Variants in MEIOSIN observed in about 807,000 individuals in gnomAD.
MEIOSIN encodes meiosis initiator.
Under a neutral mutation model 23.4 loss-of-function variants are expected in MEIOSIN, and 18 were observed. That is an observed-to-expected ratio of 0.77 (90% CI 0.53 to 1.14). The LOEUF (loss-of-function observed/expected upper bound fraction) is 1.14. Among genes scored for constraint, MEIOSIN ranks in the 50% most tolerant of loss-of-function variants. MEIOSIN has a pLI of 0.00. For synonymous variants in MEIOSIN, 187 were observed against 100.6 expected (o/e 1.86, Z -5.14); for missense variants, 428 against 242.9 (o/e 1.76, Z -5.07).
chr19:45,754,444 A>G (rs1481482644), intron 6 of MEIOSIN, 35 bp from the exon 7 acceptor site: 1 of 690,070 alleles, frequency 1.4e-6, no homozygotes, highest in South Asian at 1.5e-5. Context: ...GGTGACTCCC[A>G]GGCCCCTCTG....
At chr19:45,759,633 T>A in intron 11 of MEIOSIN, 143 bp downstream of exon 11, 1 of 621,184 alleles carries the variant, frequency 1.6e-6, no homozygotes, top group Non-Finnish European at 3.0e-6. Context: ...CGTCTCCTCA[T>A]CCTTAAAACC....
chr19:45,734,957 A>G (rs1453274757), intron 1 of MEIOSIN, among the ~76,000 whole-genome samples: 2 of 151,632 alleles, frequency 1.3e-5, no homozygotes, highest in African/African-American at 2.4e-5. Flanking sequence ...GCAGTGGCTT[A>G]ATCCTGGCTC....
rs1968897630 is a variant in MEIOSIN, at chr19:45,759,421, C to T, written c.1176C>T (p.Phe392=). The change falls in exon 11 of 15, where the codon TTC becomes TTT. Residue 392 remains phenylalanine, a synonymous_variant. Transcript: ENST00000457052. ...DDMEYLTQAA[F]FEEVCLDLES... Reference sequence around the variant, plus strand: ...TCTGGTCTCCCTCCCTAGCGGCTTTCTTTGAAGAAGTGTGCTTAGATCTGG... The same window carrying T: ...TCTGGTCTCCCTCCCTAGCGGCTTTTTTTGAAGAAGTGTGCTTAGATCTGG... 1 of 703,372 alleles carries T rather than the reference C, an allele frequency of 1.4e-6. No homozygotes were observed. The highest frequency in any genetic ancestry group is 2.6e-6 in the Non-Finnish European group (1 of 385,096). 43.6% of individuals were successfully genotyped at this position (703,372 alleles called of 1,614,324 possible).
At chr19:45,763,264 G>T (rs1216914150) in intron 13 of MEIOSIN, 74 bp from the exon 14 acceptor site, 1 of 398,118 alleles carries the variant, frequency 2.5e-6, no homozygotes, top group African/African-American at 2.1e-5. Flanking sequence ...GACCCACAAG[G>T]CTAGGAAGGG....
chr19:45,754,450 C>T, intron 6 of MEIOSIN, 29 bp from the exon 7 acceptor site: 1 of 693,660 alleles, frequency 1.4e-6, no homozygotes, highest in Non-Finnish European at 2.6e-6. Flanking sequence ...TCCCAGGCCC[C>T]TCTGACACCT....
chr19:45,736,375 T>C (rs1420807411), intron 2 of MEIOSIN, among the ~76,000 whole-genome samples: 1 of 152,102 alleles, frequency 6.6e-6, no homozygotes, highest in Non-Finnish European at 1.5e-5. Flanking sequence ...TTTCCTTTTT[T>C]TTTAAGACAG....
chr19:45,745,384 G>A (rs1968575553), intron 4 of MEIOSIN, 63 bp downstream of exon 4: 1 of 676,410 alleles, frequency 1.5e-6, no homozygotes, highest in African/African-American at 1.8e-5. Context: ...CAGCAAATGG[G>A]TCACCCTCTC....
rs1193480935 is a variant in MEIOSIN at position 45,764,256 on chromosome 19, G to T, written c.*138G>T. 1 of 397,448 alleles carries T rather than the reference G, an allele frequency of 2.5e-6. No individual in the cohort carries two copies. Among genetic ancestry groups the T allele is most frequent in the Non-Finnish European group, 4.4e-6 (1 of 225,794 alleles). 24.6% of individuals were successfully genotyped at this position (397,448 alleles called of 1,614,324 possible). A position where few individuals can be genotyped will look rare whatever the true frequency, so the allele number is the denominator to read the frequency against. ...GCAGGTCCCATGGGACTGGGGAGGG[G>T]GGCACTGATTAGCCCCAACCGCTGG... On this transcript the variant is annotated 3_prime_UTR_variant, in exon 15 of 15. Coordinates refer to ENST00000457052, the MANE Select transcript of MEIOSIN (RefSeq NM_001310124.2).
At chr19:45,738,602 G>GGCACTAAA in intron 2 of MEIOSIN, among the ~76,000 whole-genome samples, 2 of 152,196 alleles carry the variant, frequency 1.3e-5, no homozygotes, top group African/African-American at 2.4e-5. Flanking sequence ...AACAGAGCAA[G>GGCACTAAA]ACTCAGTCTA....
Position 45,764,205 on chromosome 19 carries a change from C to T in MEIOSIN, c.*87C>T, listed in dbSNP as rs754700687. On this transcript the variant is annotated 3_prime_UTR_variant, in exon 15 of 15. Transcript: ENST00000457052. ...CCAGGACCCATCGATGAACTTGTCC[C>T]TCCTGGGCCTCCAGCCCCTGAGAAT... 5.0e-5 allele frequency: 20 copies of T among 398,190 alleles called. No individual in the cohort carries two copies. The highest frequency in any genetic ancestry group is 4.4e-4 in the Admixed American group (10 of 22,730). The allele number at this position is 398,190 out of a possible 1,614,324, so 24.7% of individuals were successfully genotyped here. A position where few individuals can be genotyped will look rare whatever the true frequency, so the allele number is the denominator to read the frequency against.
intron 6 of MEIOSIN, 116 bp downstream of exon 6, chr19:45,753,904 C>T: frequency 1.7e-6 from 1 of 603,690 alleles, no homozygotes; most frequent in Non-Finnish European, 3.0e-6. Flanking sequence ...CGGGGTTCAA[C>T]TCCCAGCTCC....
chr19:45,764,306 T>A lies in MEIOSIN; in HGVS notation c.*188T>A, dbSNP rs1969015825. On this transcript the variant is annotated 3_prime_UTR_variant, in exon 15 of 15. Coordinates refer to ENST00000457052, the MANE Select transcript of MEIOSIN (RefSeq NM_001310124.2). ...GGCACATTTGCCTGGAGCACCAGAG[T>A]CACCCACAGCTGCCTTGATTCTCCC... The A allele has an allele frequency of 2.5e-6, 1 of 395,136 alleles. No individual in the cohort carries two copies. Among genetic ancestry groups the A allele is most frequent in the Admixed American group, 4.4e-5 (1 of 22,612 alleles). The allele number at this position is 395,136 out of a possible 1,614,324, so 24.5% of individuals were successfully genotyped here.
chr19:45,754,766 A>T (rs918164), intron 7 of MEIOSIN, 42 bp downstream of exon 7: 1 of 699,634 alleles, frequency 1.4e-6, no homozygotes, highest in Non-Finnish European at 2.6e-6. Context: ...TTTCAGTAAG[A>T]TGCCACTCTG....
chr19:45,748,048 C>G (rs545991377), intron 4 of MEIOSIN, among the ~76,000 whole-genome samples: 1 of 151,058 alleles, frequency 6.6e-6, no homozygotes, highest in African/African-American at 2.4e-5. Context: ...CATACCACTG[C>G]ACTCCAGCCT....
At chr19:45,751,977 C>A (rs1253802329) in intron 5 of MEIOSIN, among the ~76,000 whole-genome samples, 1 of 151,076 alleles carries the variant, frequency 6.6e-6, no homozygotes, top group Non-Finnish European at 1.5e-5. Flanking sequence ...AGGTGATCCA[C>A]CCACCTTGGC....
chr19:45,763,075 C>A lies in MEIOSIN; in HGVS notation c.1680-263C>A, dbSNP rs112909461. ...GAGCCAGGGGATGGGGAGGCCCCCC[C>A]CAAGCCACAGTGGAAAACAGCTAGT... On this transcript the variant is annotated intron_variant, in intron 13 of 14. Transcript: ENST00000457052. Among the ~76,000 whole-genome samples, 116 of 152,346 alleles carry A rather than the reference C, an allele frequency of 7.6e-4. 2 individuals are homozygous for A. Among genetic ancestry groups the A allele is most frequent in the African/African-American group, 2.4e-3 (101 of 41,578 alleles).
intron 5 of MEIOSIN, among the ~76,000 whole-genome samples, chr19:45,751,156 C>T (rs745483680): frequency 7.9e-5 from 12 of 151,972 alleles, no homozygotes; most frequent in South Asian, 4.2e-4. Flanking sequence ...CCTGTAATCC[C>T]AGCTACTTGG....
At position 45,733,713 on chromosome 19, in the gene MEIOSIN, C is replaced by T. The variant is rs1181600357; in HGVS notation, c.-1+47C>T. 1 of 152,274 alleles carries T rather than the reference C, an allele frequency of 6.6e-6. No individual in the cohort carries two copies. The highest frequency in any genetic ancestry group is 2.4e-5 in the African/African-American group (1 of 41,446). The allele number at this position is 152,274 out of a possible 1,614,324, so 9.4% of individuals were successfully genotyped here. A position where few individuals can be genotyped will look rare whatever the true frequency, so the allele number is the denominator to read the frequency against. On this transcript the variant is annotated intron_variant, in intron 1 of 14. Transcript: ENST00000457052. This position sits in a 1 kb window ranked among gnomAD's most constrained non-coding sequence, Gnocchi z 5.7. ...GAATGGGGCGCGGGGCAGGGGGCCT[C>T]CCCCAGCACTAGCTGGGCTTAGGGG... is the stretch of plus-strand genomic sequence containing the variant.
At chr19:45,752,033 G>GTTTT (rs36122176) in intron 5 of MEIOSIN, among the ~76,000 whole-genome samples, 7 of 64,132 alleles carry the variant, frequency 1.1e-4, no homozygotes, top group African/African-American at 1.3e-4. Flanking sequence ...GCTCCTAGCC[G>GTTTT]TTTTTTTTTT....
Sources: allele counts gnomAD v4.1 joint callset (sites outside exome capture counted in the v4.1 genomes callset), GRCh38; gene constraint gnomAD v4.1.1; non-coding constraint Gnocchi (gnomAD v3.1); transcripts MANE v1.5; gene names NCBI Gene and HGNC (gene_info 2026-07-23, HGNC 2026-07-21).